The following XPNPEP1 variants were observed in gnomAD, a reference collection of about 807,000 sequenced individuals.
XPNPEP1 encodes X-prolyl aminopeptidase 1.
XPNPEP1 carries 39 observed loss-of-function variants against 92.4 expected under a neutral mutation model. That is an observed-to-expected ratio of 0.42 (90% CI 0.33 to 0.55). The LOEUF (loss-of-function observed/expected upper bound fraction) is 0.55, where lower values mean the gene tolerates loss of function less well. Ranked by LOEUF, XPNPEP1 falls within the 20% of genes least tolerant of loss-of-function variation. The pLI is 0.08. For missense variants in XPNPEP1, 654 were observed against 856.1 expected (o/e 0.76, Z 2.95); for synonymous variants, 307 against 299.4 (o/e 1.03, Z -0.26).
intron 9 of XPNPEP1, 164 bp downstream of exon 9, chr10:109,883,903 A>G (rs1848245346): frequency 3.1e-6 from 2 of 644,002 alleles, no homozygotes; most frequent in Admixed American, 6.1e-5. Flanking sequence ...ATAAATAAAC[A>G]CCTACTGCTA....
At chr10:109,871,078 T>A in intron 17 of XPNPEP1, 174 bp from the exon 18 acceptor site, 2 of 681,926 alleles carry the variant, frequency 2.9e-6, no homozygotes, top group Non-Finnish European at 4.6e-6. Flanking sequence ...TGAGAAACCA[T>A]CAGAGCTCAG....
chr10:109,884,299 C>T, intron 8 of XPNPEP1, 151 bp from the exon 9 acceptor site: 1 of 673,922 alleles, frequency 1.5e-6, no homozygotes, highest in Non-Finnish European at 2.5e-6. Flanking sequence ...TGACTCCCGT[C>T]TGGTTCCACC....
At chr10:109,875,432 T>C in intron 15 of XPNPEP1, 96 bp downstream of exon 15, 1 of 1,108,574 alleles carries the variant, frequency 9.0e-7, no homozygotes, top group Non-Finnish European at 1.4e-6. Flanking sequence ...CAGAGGGCGA[T>C]GACCAGCTGA....
chr10:109,905,194 G>A (rs962299716), intron 3 of XPNPEP1, among the ~76,000 whole-genome samples: 1 of 152,052 alleles, frequency 6.6e-6, no homozygotes, highest in Non-Finnish European at 1.5e-5. Context: ...AATTACATGC[G>A]TTATCTAAAG....
chr10:109,888,870 T>C (rs1188158130), intron 5 of XPNPEP1, among the ~76,000 whole-genome samples: 1 of 152,126 alleles, frequency 6.6e-6, no homozygotes. Flanking sequence ...TGTAAAAATA[T>C]CTTGGGGATC....
chr10:109,878,135 A>C, intron 12 of XPNPEP1, 77 bp from the exon 13 acceptor site: 1 of 1,558,312 alleles, frequency 6.4e-7, no homozygotes. Context: ...GAGGTACATT[A>C]AAAGCTCACT....
intron 9 of XPNPEP1, among the ~76,000 whole-genome samples, chr10:109,883,120 T>G (rs776719861): frequency 2.0e-5 from 3 of 152,224 alleles, no homozygotes; most frequent in Non-Finnish European, 4.4e-5. Flanking sequence ...CCACTATTCT[T>G]GTTCAGAAAA....
Position 109,893,057 on chromosome 10 carries a change from A to G in XPNPEP1, c.265T>C (p.Cys89Arg). 6.2e-7 allele frequency: 1 copy of G among 1,613,748 alleles called. No individual in the cohort carries two copies. Among genetic ancestry groups the G allele is most frequent in the Non-Finnish European group, 8.5e-7 (1 of 1,179,816 alleles). ...GAGACAAAAGCCCGCCGACAGTCAC[A>G]TGGAGCAATATACTCACTCTGGAAA... is the stretch of plus-strand genomic sequence containing the variant. ...DAHQSEYIAP[C>R]DCRRAFVSGF... Residue 89 changes from cysteine to arginine, a missense_variant, in exon 4 of 21, where the codon TGT becomes CGT. Coordinates refer to ENST00000502935, the MANE Select transcript of XPNPEP1 (RefSeq NM_020383.4).
intron 9 of XPNPEP1, among the ~76,000 whole-genome samples, chr10:109,883,108 TC>T (rs1848197051): frequency 6.6e-6 from 1 of 152,124 alleles, no homozygotes; most frequent in African/African-American, 2.4e-5. Flanking sequence ...TTCAATAGCT[TC>T]CCACTATTCT....
At chr10:109,874,398 T>A (rs746146170) in intron 15 of XPNPEP1, among the ~76,000 whole-genome samples, 21 of 152,180 alleles carry the variant, frequency 1.4e-4, no homozygotes, top group Non-Finnish European at 3.1e-4. Flanking sequence ...ACCCTAAAAA[T>A]ATCCAAGTAC....
chr10:109,866,979 A>G lies in XPNPEP1; in HGVS notation c.1872+1635T>C, dbSNP rs150752555. Among the ~76,000 whole-genome samples, 5 of 152,254 alleles carry G rather than the reference A, an allele frequency of 3.3e-5. No homozygotes were observed. The East Asian group carries it at 9.7e-4, about 29-fold the overall frequency. On this transcript the variant is annotated intron_variant, in intron 20 of 20. Coordinates refer to ENST00000502935, the MANE Select transcript of XPNPEP1 (RefSeq NM_020383.4). ...CCTGGCTTAAACTTCCTCATATACT[A>G]CTTCCCTGGATAAAGGGGAATGTCA... is the stretch of plus-strand genomic sequence containing the variant.
At chr10:109,893,275 G>C (rs911320742) in intron 3 of XPNPEP1, 200 bp from the exon 4 acceptor site, 1 of 499,946 alleles carries the variant, frequency 2.0e-6, no homozygotes, top group African/African-American at 1.9e-5. Flanking sequence ...AGGGCAGAGA[G>C]AGCTGTTCCC....
Position 109,871,829 on chromosome 10 carries a change from T to C in XPNPEP1, c.1485A>G (p.Ile495Met), listed in dbSNP as rs1589545788. 1 of 1,614,170 alleles carries C rather than the reference T, an allele frequency of 6.2e-7. No homozygotes were observed. The highest frequency in any genetic ancestry group is 1.7e-5 in the Admixed American group (1 of 60,016). ...ECFTYVLKGH[I>M]AVSAAVFPTG... is the part of the protein sequence containing the mutation. ...TCGGGAAAACGGCTGCACTCACAGC[T>C]ATGTGGCCCTTGAGGACATATGTGA... The change falls in exon 17 of 21, where the codon ATA becomes ATG. Residue 495 changes from isoleucine to methionine, a missense_variant. Transcript: ENST00000502935.
At chr10:109,916,841 A>G (rs577526344) in intron 1 of XPNPEP1, among the ~76,000 whole-genome samples, 418 of 152,352 alleles carry the variant, frequency 2.7e-3, no homozygotes, top group African/African-American at 9.8e-3. Flanking sequence ...ATCAATTATT[A>G]TAACAGGCCA....
intron 2 of XPNPEP1, among the ~76,000 whole-genome samples, chr10:109,914,345 T>C (rs1850052227): frequency 6.6e-6 from 1 of 152,174 alleles, no homozygotes; most frequent in Non-Finnish European, 1.5e-5. Flanking sequence ...AATTGAAAGC[T>C]AATTTCTAAG....
At chr10:109,882,701 AAC>A in intron 9 of XPNPEP1, 59 bp from the exon 10 acceptor site, 1 of 1,568,800 alleles carries the variant, frequency 6.4e-7, no homozygotes, top group Non-Finnish European at 8.7e-7. Flanking sequence ...GAGAGGTGGC[AAC>A]ACAGACACAC....
At chr10:109,895,684 G>C (rs1848950844) in intron 3 of XPNPEP1, among the ~76,000 whole-genome samples, 1 of 152,242 alleles carries the variant, frequency 6.6e-6, no homozygotes, top group African/African-American at 2.4e-5. Context: ...ACACAGCATA[G>C]GGCCTAAAAT....
chr10:109,901,177 G>T (rs770144754), intron 3 of XPNPEP1, among the ~76,000 whole-genome samples: 1 of 147,172 alleles, frequency 6.8e-6, no homozygotes, highest in Admixed American at 7.1e-5. Context: ...GCAAACTATC[G>T]CAAGGACAGA....
At chr10:109,899,379 T>C (rs904289625) in intron 3 of XPNPEP1, among the ~76,000 whole-genome samples, 26 of 152,174 alleles carry the variant, frequency 1.7e-4, no homozygotes, top group Non-Finnish European at 3.8e-4. Context: ...CCAGCTAAAA[T>C]GGTGGTACTA....
Sources: allele counts gnomAD v4.1 joint callset (sites outside exome capture counted in the v4.1 genomes callset), GRCh38; gene constraint gnomAD v4.1.1; transcripts MANE v1.5; gene names NCBI Gene and HGNC (gene_info 2026-07-23, HGNC 2026-07-21).